GPR158: variants seen among roughly 807,000 people sequenced by gnomAD.
GPR158 encodes G protein-coupled receptor 158.
A neutral mutation model predicts 78.2 loss-of-function variants in GPR158; 30 were observed. The observed-to-expected ratio is 0.38, with a 90% CI of 0.29 to 0.52. The LOEUF is 0.52. Among genes scored for constraint, GPR158 ranks in the 20% least tolerant of loss-of-function variants. GPR158 has a pLI of 0.83. For synonymous variants in GPR158, 581 were observed against 591.1 expected, an observed-to-expected ratio of 0.98 and a Z score of 0.25; for missense variants, 1,463 against 1,523.5, an observed-to-expected ratio of 0.96 and a Z score of 0.66.
chr10:25,505,968 G>C (rs903485525), intron 5 of GPR158, among the ~76,000 whole-genome samples: 2 of 152,152 alleles, frequency 1.3e-5, no homozygotes, highest in Non-Finnish European at 2.9e-5. Flanking sequence ...TCCATCTGTA[G>C]ACTCTGAATT....
intron 5 of GPR158, among the ~76,000 whole-genome samples, chr10:25,510,570 A>T (rs1462916145): frequency 6.6e-6 from 1 of 152,080 alleles, no homozygotes; most frequent in Non-Finnish European, 1.5e-5. Flanking sequence ...TTTTATTTCA[A>T]TAGTTTTTTG....
intron 4 of GPR158, among the ~76,000 whole-genome samples, chr10:25,458,130 TACTC>T (rs1835314965): frequency 1.3e-5 from 2 of 152,316 alleles, no homozygotes; most frequent in Admixed American, 6.5e-5. Flanking sequence ...TTGATAAACT[TACTC>T]TTCAAAAAGG....
Position 25,488,802 on chromosome 10 carries a change from C to T in GPR158, c.1404+22083C>T, listed in dbSNP as rs370137407. ...GAGGGATTCACCTAAGATAGATTTT[C>T]ATATATTGTTTTTTTCTGATAACAG... is the stretch of plus-strand genomic sequence containing the variant. On this transcript the variant is annotated intron_variant, in intron 5 of 10. Coordinates refer to ENST00000376351, the MANE Select transcript of GPR158 (RefSeq NM_020752.3). Among the ~76,000 whole-genome samples, 3 of 152,112 alleles carry T rather than the reference C, an allele frequency of 2.0e-5. No individual in the cohort carries two copies. In the East Asian group the frequency reaches 5.8e-4, roughly 29 times the overall value.
At chr10:25,245,549 A>C (rs917479419) in intron 2 of GPR158, among the ~76,000 whole-genome samples, 2 of 152,100 alleles carry the variant, frequency 1.3e-5, no homozygotes, top group South Asian at 4.1e-4. Context: ...GGTGGGTGTA[A>C]GACTGTGATT....
chr10:25,370,893 T>G lies in GPR158; in HGVS notation c.1009-25018T>G, dbSNP rs544494228. The stretch of plus-strand genomic sequence containing the variant: ...TATATTAAGGATAGTTAGCTCTTCT[T>G]GTTGAATTGATCCCTTTACCATTAA... On this transcript the variant is annotated intron_variant, in intron 2 of 10. Coordinates refer to ENST00000376351, the MANE Select transcript of GPR158 (RefSeq NM_020752.3). Among the ~76,000 whole-genome samples the G allele has an allele frequency of 1.3e-3, 193 of 151,884 alleles. 1 individual carries two copies. The highest frequency in any genetic ancestry group is 2.0e-3 in the Non-Finnish European group (134 of 67,924).
chr10:25,381,807 G>C (rs1052650014), intron 2 of GPR158, among the ~76,000 whole-genome samples: 1 of 152,002 alleles, frequency 6.6e-6, no homozygotes, highest in East Asian at 1.9e-4. Context: ...ATTTATTTTA[G>C]CAAAATATTT....
At chr10:25,544,100 G>A (rs752909468) in intron 5 of GPR158, among the ~76,000 whole-genome samples, 4 of 152,160 alleles carry the variant, frequency 2.6e-5, no homozygotes, top group Non-Finnish European at 5.9e-5. Context: ...AACCTAGGAT[G>A]TCTCATTTTA....
At chr10:25,348,256 G>C (rs575509310) in intron 2 of GPR158, among the ~76,000 whole-genome samples, 2 of 151,932 alleles carry the variant, frequency 1.3e-5, no homozygotes, top group East Asian at 2.0e-4. Context: ...TGGGTAGGAG[G>C]CCTTTAGGGA....
At chr10:25,580,630 G>A (rs567743527) in intron 7 of GPR158, among the ~76,000 whole-genome samples, 15 of 152,228 alleles carry the variant, frequency 9.9e-5, no homozygotes, top group South Asian at 4.1e-4. Context: ...ACAGATTAAC[G>A]TTCTTTAGAT....
At chr10:25,549,202 TCC>T (rs1836699694) in intron 5 of GPR158, among the ~76,000 whole-genome samples, 1 of 152,170 alleles carries the variant, frequency 6.6e-6, no homozygotes, top group South Asian at 2.1e-4. Flanking sequence ...TATTCTCTCT[TCC>T]ATGAGAAGGA....
At position 25,385,757 on chromosome 10, in the gene GPR158, T is replaced by C. The variant is rs539139732; in HGVS notation, c.1009-10154T>C. Among the ~76,000 whole-genome samples the C allele has an allele frequency of 6.6e-5, 10 of 152,268 alleles. 1 individual carries two copies. The South Asian group carries it at 1.5e-3, about 22-fold the overall frequency. On this transcript the variant is annotated intron_variant, in intron 2 of 10. Transcript: ENST00000376351. ...ATCTTTTCATTGGCTTATTGGCCAT[T>C]GGTATATTTTCCTTGCAGAAATTTG...
chr10:25,429,557 G>A (rs1031988389), intron 4 of GPR158, among the ~76,000 whole-genome samples: 2 of 152,042 alleles, frequency 1.3e-5, no homozygotes, highest in African/African-American at 2.4e-5. Flanking sequence ...GAATGCCTAC[G>A]TTCTCTGGTC....
intron 3 of GPR158, among the ~76,000 whole-genome samples, chr10:25,408,219 A>G (rs79661423): frequency 0.063 from 9,525 of 152,272 alleles, 393 homozygotes; most frequent in South Asian, 0.18. Flanking sequence ...ATTTTCTAAA[A>G]CAAACAATAC....
At chr10:25,363,750 A>G (rs1855676630) in intron 2 of GPR158, among the ~76,000 whole-genome samples, 1 of 151,832 alleles carries the variant, frequency 6.6e-6, no homozygotes, top group Non-Finnish European at 1.5e-5. Flanking sequence ...GCTGTCCCTG[A>G]TCCTCAGTTC....
chr10:25,314,813 G>GA (rs60794944), intron 2 of GPR158, among the ~76,000 whole-genome samples: 25,369 of 140,374 alleles, frequency 0.18, 4,112 homozygotes, highest in African/African-American at 0.44. Flanking sequence ...CAGTAAAGGG[G>GA]AAAAAGCCTT....
At chr10:25,500,553 T>A (rs780111627) in intron 5 of GPR158, among the ~76,000 whole-genome samples, 6 of 152,226 alleles carry the variant, frequency 3.9e-5, no homozygotes, top group Non-Finnish European at 7.3e-5. Flanking sequence ...ATGTGACATA[T>A]ATAACCTTTA....
intron 2 of GPR158, among the ~76,000 whole-genome samples, chr10:25,321,000 A>G (rs111454101): frequency 0.012 from 1,832 of 152,312 alleles, 47 homozygotes; most frequent in African/African-American, 0.042. Context: ...GAAAGTTTGC[A>G]TAGCACAAAG....
chr10:25,578,953 G>A (rs769070192), intron 7 of GPR158, among the ~76,000 whole-genome samples: 1 of 152,032 alleles, frequency 6.6e-6, no homozygotes, highest in Non-Finnish European at 1.5e-5. Flanking sequence ...AGTTTGCAGT[G>A]AGCCAAGATC....
chr10:25,357,519 A>G (rs1333222631), intron 2 of GPR158, among the ~76,000 whole-genome samples: 1 of 152,106 alleles, frequency 6.6e-6, no homozygotes, highest in Non-Finnish European at 1.5e-5. Flanking sequence ...CCTTTATCCC[A>G]GCTGCTCCAG....
Sources: gnomAD v4.1 joint callset for allele counts (sites outside exome capture counted in the v4.1 genomes callset) on GRCh38, gnomAD v4.1.1 for gene constraint, MANE v1.5 for transcripts, NCBI Gene and HGNC (gene_info 2026-07-23, HGNC 2026-07-21) for gene names.